Variants in USP32 observed in about 807,000 individuals in gnomAD.
The protein encoded by USP32 is ubiquitin specific peptidase 32.
USP32 carries 59 observed loss-of-function variants against 204.8 expected under a neutral mutation model. That is an observed-to-expected ratio of 0.29 (90% CI 0.23 to 0.36). USP32 has a LOEUF of 0.36. USP32 is among the 10% of genes least tolerant of loss of function. USP32 has a pLI of 1.00. For missense variants in USP32, 1,160 were observed against 1,946.4 expected, an observed-to-expected ratio of 0.60 and a Z score of 7.60; for synonymous variants, 517 against 678.4, an observed-to-expected ratio of 0.76 and a Z score of 3.70.
chr17:60,314,807 T>A (rs957795349), intron 2 of USP32, among the ~76,000 whole-genome samples: 3 of 151,650 alleles, frequency 2.0e-5, no homozygotes, highest in African/African-American at 7.3e-5. Flanking sequence ...AAAATAGTAA[T>A]ACAGAAAATC....
intron 7 of USP32, among the ~76,000 whole-genome samples, chr17:60,266,560 T>A (rs1233157609): frequency 6.6e-6 from 1 of 150,906 alleles, no homozygotes; most frequent in Non-Finnish European, 1.5e-5. Flanking sequence ...ATGATCTCAG[T>A]TCACTGCAAC....
chr17:60,326,527 A>T (rs145764781), intron 2 of USP32, among the ~76,000 whole-genome samples: 1 of 151,998 alleles, frequency 6.6e-6, no homozygotes, highest in Non-Finnish European at 1.5e-5. Flanking sequence ...TTGAACTCCT[A>T]ACCTTGGGTG....
At chr17:60,414,802 C>A (rs1231575542) in intron 1 of USP32, among the ~76,000 whole-genome samples, 1 of 151,834 alleles carries the variant, frequency 6.6e-6, no homozygotes, top group African/African-American at 2.4e-5. Context: ...TAGCTAGGTG[C>A]CTGGAATTTC....
chr17:60,221,329 GT>G (rs139462812), intron 15 of USP32, among the ~76,000 whole-genome samples: 2,344 of 152,064 alleles, frequency 0.015, 60 homozygotes, highest in African/African-American at 0.054. Context: ...GGAGCTTGAG[GT>G]TATTTTTCAT....
chr17:60,271,954 T>A (rs1158963453), intron 5 of USP32, among the ~76,000 whole-genome samples: 1 of 151,984 alleles, frequency 6.6e-6, no homozygotes, highest in African/African-American at 2.4e-5. Flanking sequence ...TAGGACTACA[T>A]GTGTACGCCA....
intron 16 of USP32, chr17:60,219,448 G>A: frequency 1.8e-6 from 1 of 558,208 alleles, no homozygotes; most frequent in Non-Finnish European, 2.8e-6. Context: ...ATCTAGTCTT[G>A]TGCATGACCA....
rs186379996 is a variant in USP32, at chr17:60,297,737, C to A, written c.293-2936G>T. On this transcript the variant is annotated intron_variant, in intron 3 of 33. Transcript: ENST00000300896. Reference sequence around the variant, plus strand: ...ATTACAGGTGTGAGCCATCACAACCCACCTCAAAATATCATGGCATGAGCC... The same window carrying A: ...ATTACAGGTGTGAGCCATCACAACCAACCTCAAAATATCATGGCATGAGCC... 2.6e-4 allele frequency among the ~76,000 whole-genome samples: 40 copies of A among 152,146 alleles called. No individual in the cohort carries two copies. In the East Asian group the frequency reaches 6.6e-3, roughly 25 times the overall value.
chr17:60,327,153 T>C (rs1195143514), intron 2 of USP32, among the ~76,000 whole-genome samples: 6 of 152,158 alleles, frequency 3.9e-5, no homozygotes, highest in Non-Finnish European at 5.9e-5. Context: ...CACAAAGAAA[T>C]GACAAATGTT....
At position 60,379,249 on chromosome 17, in the gene USP32, T is replaced by C. The variant is rs147769627; in HGVS notation, c.58+12633A>G. On this transcript the variant is annotated intron_variant, in intron 1 of 33. Coordinates refer to ENST00000300896, the MANE Select transcript of USP32 (RefSeq NM_032582.4). ...TTTTACAGCAATGCAAATGTCAAAG[T>C]AGCACTGGCATAAATTGAGGCAAAT... Among the ~76,000 whole-genome samples, 994 of 152,298 alleles carry C rather than the reference T, an allele frequency of 6.5e-3. 4 individuals are homozygous for C. Among genetic ancestry groups the C allele is most frequent in the Non-Finnish European group, 0.011 (744 of 68,006 alleles).
At chr17:60,394,625 A>C (rs141167976), upstream of USP32, among the ~76,000 whole-genome samples, 1 of 152,376 alleles carries the variant, frequency 6.6e-6, no homozygotes, top group East Asian at 1.9e-4. Context: ...CAAATATCAT[A>C]GATTACTTAC....
chr17:60,380,594 TAAG>T (rs965860630), intron 1 of USP32, among the ~76,000 whole-genome samples: 4 of 152,010 alleles, frequency 2.6e-5, no homozygotes, highest in Non-Finnish European at 5.9e-5. Flanking sequence ...AAATATGAAA[TAAG>T]AAGAGCATAA....
intron 1 of USP32, among the ~76,000 whole-genome samples, chr17:60,405,080 GC>G (rs1173288251): frequency 2.0e-5 from 3 of 152,126 alleles, no homozygotes; most frequent in African/African-American, 7.2e-5. Flanking sequence ...CACAAGAATT[GC>G]CTGAACCAGG....
chr17:60,274,945 A>G (rs1264655157), intron 5 of USP32, among the ~76,000 whole-genome samples: 1 of 152,136 alleles, frequency 6.6e-6, no homozygotes, highest in Admixed American at 6.6e-5. Context: ...ACCTTCAAAG[A>G]TACTCCTCTA....
chr17:60,419,333 G>A (rs937087297), intron 1 of USP32, among the ~76,000 whole-genome samples: 5 of 152,214 alleles, frequency 3.3e-5, no homozygotes, highest in Non-Finnish European at 7.3e-5. Context: ...TGAACACGTA[G>A]AGGGGAACAA....
intron 1 of USP32, chr17:60,421,345 A>G: frequency 1.0e-6 from 1 of 985,190 alleles, no homozygotes; most frequent in Non-Finnish European, 1.2e-6. Context: ...TGCTCCTCCA[A>G]AGCTCCGGGC....
At chr17:60,357,878 C>G (rs574527742) in intron 1 of USP32, among the ~76,000 whole-genome samples, 1 of 152,278 alleles carries the variant, frequency 6.6e-6, no homozygotes, top group South Asian at 2.1e-4. Context: ...AAGCAGTTCT[C>G]CTGCCTCAGC....
At chr17:60,216,778 A>G (rs2085115187) in intron 16 of USP32, among the ~76,000 whole-genome samples, 2 of 152,210 alleles carry the variant, frequency 1.3e-5, no homozygotes, top group African/African-American at 4.8e-5. Flanking sequence ...ATGGCAGAAC[A>G]AAACCCAACC....
chr17:60,318,642 C>T (rs921723042), intron 2 of USP32, among the ~76,000 whole-genome samples: 5 of 152,256 alleles, frequency 3.3e-5, no homozygotes, highest in Admixed American at 3.3e-4. Context: ...ACCCAGAAAA[C>T]AAGGCTGGGA....
intron 26 of USP32, among the ~76,000 whole-genome samples, chr17:60,200,836 G>T (rs576093840): frequency 9.2e-5 from 14 of 152,214 alleles, no homozygotes; most frequent in African/African-American, 2.6e-4. Context: ...TTTATAAATA[G>T]AATTACTTAA....
Sources: allele counts gnomAD v4.1 joint callset (sites outside exome capture counted in the v4.1 genomes callset), GRCh38; gene constraint gnomAD v4.1.1; transcripts MANE v1.5; gene names NCBI Gene and HGNC (gene_info 2026-07-23, HGNC 2026-07-21).